The following ERC2 variants were observed in gnomAD, a reference collection of about 807,000 sequenced individuals.
ERC2 encodes the protein ERC protein 2.
ERC2 carries 42 observed loss-of-function variants against 114.8 expected under a neutral mutation model. That is an observed-to-expected ratio of 0.37 (90% CI 0.29 to 0.47). The LOEUF is 0.47. Among genes scored for constraint, ERC2 ranks in the 20% least tolerant of loss-of-function variants. The pLI is 0.99. For missense variants in ERC2, 939 were observed against 1,150.7 expected (o/e 0.82, Z 2.66); for synonymous variants, 454 against 425.5 (o/e 1.07, Z -0.82).
chr3:55,834,952 T>C (rs1299337975), intron 14 of ERC2, among the ~76,000 whole-genome samples: 1 of 150,624 alleles, frequency 6.6e-6, no homozygotes, highest in Non-Finnish European at 1.5e-5. Context: ...CAAACTACCA[T>C]CAGAGAATAC....
chr3:56,400,211 T>G (rs1293180532), intron 2 of ERC2, among the ~76,000 whole-genome samples: 1 of 152,158 alleles, frequency 6.6e-6, no homozygotes, highest in Non-Finnish European at 1.5e-5. Context: ...TGATAGGATA[T>G]CTGAAATCTG....
intron 13 of ERC2, among the ~76,000 whole-genome samples, chr3:55,936,921 G>C (rs547863543): frequency 6.6e-6 from 1 of 152,208 alleles, no homozygotes; most frequent in Non-Finnish European, 1.5e-5. Context: ...AACACTAGGA[G>C]GCAAGTACTA....
In ERC2 at chr3:56,122,219, G is replaced by A. The variant is rs367873777; in HGVS notation, c.1473+17290C>T. ...TGCACAGATGTAGAAGGACCTCTCA[G>A]GCACAACAAGTGCAAAAGGCAAATT... On this transcript the variant is annotated intron_variant, in intron 6 of 17. Transcript: ENST00000288221. Among the ~76,000 whole-genome samples the A allele has an allele frequency of 1.2e-3, 179 of 152,284 alleles. 4 individuals are homozygous for A. In the South Asian group the frequency reaches 0.036, roughly 30 times the overall value.
At chr3:56,305,511 TCCACAC>T (rs1421157456) in intron 2 of ERC2, among the ~76,000 whole-genome samples, 1 of 89,652 alleles carries the variant, frequency 1.1e-5, no homozygotes, top group East Asian at 3.2e-4. Flanking sequence ...CACTCTCTTA[TCCACAC>T]ACACACACAC....
At chr3:55,661,117 A>C (rs1200925223) in intron 17 of ERC2, among the ~76,000 whole-genome samples, 1 of 152,208 alleles carries the variant, frequency 6.6e-6, no homozygotes, top group African/African-American at 2.4e-5. Context: ...TGCTATCCTA[A>C]CACATTACCA....
At chr3:55,954,478 T>A (rs1341100151) in intron 12 of ERC2, among the ~76,000 whole-genome samples, 1 of 152,250 alleles carries the variant, frequency 6.6e-6, no homozygotes, top group East Asian at 1.9e-4. Context: ...GGTGAGAACG[T>A]GTCAGACTCT....
intron 6 of ERC2, among the ~76,000 whole-genome samples, chr3:56,105,345 C>T (rs1255593906): frequency 4.0e-5 from 6 of 151,648 alleles, no homozygotes; most frequent in African/African-American, 1.5e-4. Context: ...TGCTCTGTTG[C>T]CCAAGCTAGA....
intron 6 of ERC2, among the ~76,000 whole-genome samples, chr3:56,123,654 C>G (rs1277009190): frequency 6.6e-6 from 1 of 152,218 alleles, no homozygotes; most frequent in African/African-American, 2.4e-5. Context: ...TCTACTCTGG[C>G]TCCACAGAGG....
chr3:56,399,060 A>G (rs1185679179), intron 2 of ERC2, among the ~76,000 whole-genome samples: 1 of 152,192 alleles, frequency 6.6e-6, no homozygotes, highest in East Asian at 1.9e-4. Context: ...AATGAGGTGG[A>G]GCCAACAAAG....
At chr3:56,332,454 T>C (rs2057669311) in intron 2 of ERC2, among the ~76,000 whole-genome samples, 2 of 152,186 alleles carry the variant, frequency 1.3e-5, no homozygotes, top group South Asian at 4.1e-4. Flanking sequence ...AAACTAAGAC[T>C]CAGAGAGGTA....
At chr3:56,132,726 C>A in intron 6 of ERC2, among the ~76,000 whole-genome samples, 1 of 152,180 alleles carries the variant, frequency 6.6e-6, no homozygotes, top group African/African-American at 2.4e-5. Flanking sequence ...ATCCAACAAT[C>A]AGAGAGAACA....
intron 7 of ERC2, among the ~76,000 whole-genome samples, chr3:56,032,909 A>AGAGAGAGAC (rs1560056192): frequency 5.3e-5 from 3 of 56,878 alleles, no homozygotes; most frequent in South Asian, 6.4e-4. Flanking sequence ...GACAGAAAGA[A>AGAGAGAGAC]AGAAAGAAAG....
intron 4 of ERC2, among the ~76,000 whole-genome samples, chr3:56,169,521 C>A (rs531193756): frequency 6.6e-6 from 1 of 152,238 alleles, no homozygotes; most frequent in South Asian, 2.1e-4. Flanking sequence ...TAGCCATTTG[C>A]TCACAGGCAG....
intron 5 of ERC2, among the ~76,000 whole-genome samples, chr3:56,140,179 C>G (rs533033956): frequency 3.9e-5 from 6 of 152,184 alleles, no homozygotes; most frequent in South Asian, 2.1e-4. Flanking sequence ...ACAAAAAGAA[C>G]ATAAAATATA....
At chr3:55,842,712 TA>T (rs113249309) in intron 14 of ERC2, among the ~76,000 whole-genome samples, 13 of 150,590 alleles carry the variant, frequency 8.6e-5, no homozygotes, top group Middle Eastern at 3.4e-3. Context: ...TAGACTCAGT[TA>T]AAAAAAAAGA....
chr3:55,522,306 C>T (rs531635670), intron 17 of ERC2, among the ~76,000 whole-genome samples: 11 of 152,244 alleles, frequency 7.2e-5, no homozygotes, highest in African/African-American at 2.6e-4. Flanking sequence ...CCTCTCTGGG[C>T]CCTAATCCTC....
chr3:55,700,721 C>T (rs2063181771), intron 15 of ERC2, among the ~76,000 whole-genome samples: 1 of 152,162 alleles, frequency 6.6e-6, no homozygotes, highest in Non-Finnish European at 1.5e-5. Context: ...GCCTTTTCCT[C>T]ACCCTGTCCT....
chr3:55,879,945 C>T (rs181382930), intron 14 of ERC2, among the ~76,000 whole-genome samples: 1 of 152,198 alleles, frequency 6.6e-6, no homozygotes, highest in African/African-American at 2.4e-5. Flanking sequence ...GATTTTTGTT[C>T]ATAGAGTCCT....
chr3:56,273,156 G>A (rs1276850427), intron 3 of ERC2, among the ~76,000 whole-genome samples: 1 of 151,926 alleles, frequency 6.6e-6, no homozygotes, highest in Non-Finnish European at 1.5e-5. Flanking sequence ...ATCTTCCTTG[G>A]TATTGTTACC....
Sources: gnomAD v4.1 joint callset for allele counts (sites outside exome capture counted in the v4.1 genomes callset) on GRCh38, gnomAD v4.1.1 for gene constraint, MANE v1.5 for transcripts, NCBI Gene and HGNC (gene_info 2026-07-23, HGNC 2026-07-21) for gene names.